The following SYTL3 variants were observed in gnomAD, a reference collection of about 807,000 sequenced individuals.
SYTL3 encodes the protein synaptotagmin-like protein 3.
In SYTL3, 88 loss-of-function variants were observed where a neutral mutation model predicts 82.1. That is an observed-to-expected ratio of 1.07 (90% CI 0.90 to 1.28). The LOEUF is 1.28. Ranked by LOEUF, SYTL3 falls within the 50% of genes most tolerant of loss-of-function variation. SYTL3 has a pLI of 0.00. For synonymous variants in SYTL3, 311 were observed against 289.4 expected, an observed-to-expected ratio of 1.07 and a Z score of -0.76; for missense variants, 831 against 757.6, an observed-to-expected ratio of 1.10 and a Z score of -1.14.
At chr6:158,694,153 A>G (rs1780311432) in intron 6 of SYTL3, among the ~76,000 whole-genome samples, 2 of 152,146 alleles carry the variant, frequency 1.3e-5, no homozygotes, top group Non-Finnish European at 2.9e-5. Context: ...ATTTTTAGAC[A>G]GGTCCATTTA....
chr6:158,725,341 G>A (rs1784589937), intron 10 of SYTL3, among the ~76,000 whole-genome samples, 162 bp from the exon 11 acceptor site: 1 of 152,134 alleles, frequency 6.6e-6, no homozygotes, highest in Non-Finnish European at 1.5e-5. Context: ...GTGTGTGTGT[G>A]TGCGCACGTG....
At chr6:158,724,164 C>T (rs7751477) in intron 10 of SYTL3, among the ~76,000 whole-genome samples, 27,448 of 152,124 alleles carry the variant, frequency 0.18, 3,086 homozygotes, top group Non-Finnish European at 0.25. Context: ...GCTAGTGAGC[C>T]CTTGGAGGAT....
intron 15 of SYTL3, 56 bp downstream of exon 15, chr6:158,760,801 TG>T: frequency 7.2e-7 from 1 of 1,392,002 alleles, no homozygotes; most frequent in South Asian, 1.2e-5. Context: ...CAGAGCCTGG[TG>T]CTGCAGGCAG....
At chr6:158,757,170 C>T (rs1339542280) in intron 13 of SYTL3, 41 bp from the exon 14 acceptor site, 1 of 1,580,262 alleles carries the variant, frequency 6.3e-7, no homozygotes, top group Non-Finnish European at 8.6e-7. Flanking sequence ...GGAGTGCGGG[C>T]CCCGGGAGCC....
At chr6:158,761,700 C>A (rs1437463165) in intron 15 of SYTL3, among the ~76,000 whole-genome samples, 2 of 152,224 alleles carry the variant, frequency 1.3e-5, no homozygotes, top group Admixed American at 6.5e-5. Context: ...CACCAGCAGA[C>A]CAGCAGCAAG....
chr6:158,722,306 A>T (rs1474451322), intron 10 of SYTL3, among the ~76,000 whole-genome samples: 1 of 151,970 alleles, frequency 6.6e-6, no homozygotes, highest in Non-Finnish European at 1.5e-5. Context: ...GGACTACAGG[A>T]GTACACCACT....
intron 6 of SYTL3, among the ~76,000 whole-genome samples, chr6:158,702,602 AG>A (rs1403223078): frequency 4.6e-5 from 7 of 152,044 alleles, no homozygotes; most frequent in African/African-American, 1.7e-4. Context: ...GTTGGTTTCC[AG>A]GTGGTCGTTT....
In SYTL3 at chr6:158,704,555, A is replaced by G. The variant is rs534793204; in HGVS notation, c.395-2675A>G. On this transcript the variant is annotated intron_variant, in intron 6 of 17. Coordinates refer to ENST00000611299, the MANE Select transcript of SYTL3 (RefSeq NM_001242394.2). ...GAGGTGGGGGTGACAGTAATCGTGCAGGCAGGGCCGGCCTCACCGGGTAGG... is the reference window on the plus strand; with the variant it reads ...GAGGTGGGGGTGACAGTAATCGTGCGGGCAGGGCCGGCCTCACCGGGTAGG... 6.6e-5 allele frequency among the ~76,000 whole-genome samples: 10 copies of G among 152,348 alleles called. No homozygotes were observed. The East Asian group carries it at 1.9e-3, about 29-fold the overall frequency.
intron 5 of SYTL3, among the ~76,000 whole-genome samples, chr6:158,667,354 A>C (rs1790200134): frequency 6.6e-6 from 1 of 152,192 alleles, no homozygotes; most frequent in South Asian, 2.1e-4. Context: ...GGTTTTCAAA[A>C]TACTTAAGGT....
At chr6:158,705,132 G>A (rs538744791) in intron 6 of SYTL3, among the ~76,000 whole-genome samples, 3 of 70,064 alleles carry the variant, frequency 4.3e-5, no homozygotes, top group Admixed American at 3.7e-4. Flanking sequence ...GTGACAGTGA[G>A]GGCTGTAAGG....
intron 6 of SYTL3, among the ~76,000 whole-genome samples, chr6:158,692,302 A>G (rs1245181133): frequency 6.9e-6 from 1 of 145,668 alleles, no homozygotes; most frequent in Non-Finnish European, 1.5e-5. Context: ...AAAAGGGTTA[A>G]ATGTAATAGA....
chr6:158,756,930 C>G (rs1158407091), intron 13 of SYTL3, among the ~76,000 whole-genome samples: 1 of 151,298 alleles, frequency 6.6e-6, no homozygotes, highest in African/African-American at 2.4e-5. Context: ...CCAGGGCTAC[C>G]CTTGCCTGTC....
chr6:158,688,422 C>T (rs947927414), intron 6 of SYTL3, among the ~76,000 whole-genome samples: 2 of 152,108 alleles, frequency 1.3e-5, no homozygotes, highest in East Asian at 3.9e-4. Flanking sequence ...CACTCTGGCC[C>T]CCATTACATT....
At chr6:158,763,608 GTT>G in intron 17 of SYTL3, 99 bp downstream of exon 17, 1 of 1,078,108 alleles carries the variant, frequency 9.3e-7, no homozygotes, top group East Asian at 2.4e-5. Flanking sequence ...GACTTAACTG[GTT>G]TTGAAATTGC....
At position 158,725,387 on chromosome 6, in the gene SYTL3, C is replaced by T. The variant is rs1418069951; in HGVS notation, c.721-116C>T. On this transcript the variant is annotated intron_variant, in intron 10 of 17. Coordinates refer to ENST00000611299, the MANE Select transcript of SYTL3 (RefSeq NM_001242394.2). Reference sequence around the variant, plus strand: ...CCAAATGCAGGTGTGTCCTCCTACTCAGAAGTTTGCATGTTAGTAACATCA... The same window carrying T: ...CCAAATGCAGGTGTGTCCTCCTACTTAGAAGTTTGCATGTTAGTAACATCA... 1.1e-5 allele frequency: 13 copies of T among 1,164,394 alleles called. No homozygotes were observed. The East Asian group carries it at 2.8e-4, about 25-fold the overall frequency. The allele number at this position is 1,164,394 out of a possible 1,614,324, so 72.1% of individuals were successfully genotyped here. A position where few individuals can be genotyped will look rare whatever the true frequency, so the allele number is the denominator to read the frequency against.
At chr6:158,740,996 A>C (rs180998951) in intron 11 of SYTL3, among the ~76,000 whole-genome samples, 434 of 152,308 alleles carry the variant, frequency 2.8e-3, no homozygotes, top group African/African-American at 9.3e-3. Flanking sequence ...AAGAAGTAGT[A>C]GTCTGTTGGC....
chr6:158,725,463 A>G (rs777107107), intron 10 of SYTL3, 40 bp from the exon 11 acceptor site: 14 of 1,606,756 alleles, frequency 8.7e-6, no homozygotes, highest in Non-Finnish European at 1.2e-5. Flanking sequence ...CCAAACTGGG[A>G]TGGAGACTAT....
rs373253196 is a variant in SYTL3, at chr6:158,737,759, G to A, written c.856-7721G>A. ...GGCGATGGTGGTGGAGCCATGAGTC[G>A]CCTGGGAAGGAACGCATTTGATGGA... On this transcript the variant is annotated intron_variant, in intron 11 of 17. Coordinates refer to ENST00000611299, the MANE Select transcript of SYTL3 (RefSeq NM_001242394.2). 9.8e-5 allele frequency among the ~76,000 whole-genome samples: 15 copies of A among 152,342 alleles called. No homozygotes were observed. The South Asian group carries it at 2.9e-3, about 29-fold the overall frequency.
intron 15 of SYTL3, among the ~76,000 whole-genome samples, chr6:158,761,760 T>C (rs368596964): frequency 2.6e-5 from 4 of 152,184 alleles, no homozygotes; most frequent in Non-Finnish European, 5.9e-5. Flanking sequence ...GGCTCTCACT[T>C]TCCCCCAAAC....
Sources: gnomAD v4.1 joint callset for allele counts (sites outside exome capture counted in the v4.1 genomes callset) on GRCh38, gnomAD v4.1.1 for gene constraint, MANE v1.5 for transcripts, NCBI Gene and HGNC (gene_info 2026-07-23, HGNC 2026-07-21) for gene names.